CTNNA2: variants seen among roughly 807,000 people sequenced by gnomAD.
The protein encoded by CTNNA2 is catenin alpha 2, also known as catenin alpha-2.
In CTNNA2, 42 loss-of-function variants were observed where a neutral mutation model predicts 101.0. The ratio of observed to expected loss-of-function variants is 0.42; its 90% confidence interval spans 0.32 to 0.54. The LOEUF (loss-of-function observed/expected upper bound fraction) is 0.54. Among genes scored for constraint, CTNNA2 ranks in the 20% least tolerant of loss-of-function variants. CTNNA2 has a pLI of 0.14. For synonymous variants in CTNNA2, 450 were observed against 456.4 expected, an observed-to-expected ratio of 0.99 and a Z score of 0.18; for missense variants, 871 against 1,223.1, an observed-to-expected ratio of 0.71 and a Z score of 4.29.
chr2:80,284,573 C>T (rs1674610748), intron 7 of CTNNA2, among the ~76,000 whole-genome samples: 1 of 152,050 alleles, frequency 6.6e-6, no homozygotes, highest in East Asian at 1.9e-4. Context: ...TTTTCCTCTA[C>T]TATGAATCCA....
At chr2:79,344,828 TAA>T (rs1311852853) in intron 3 of CTNNA2, among the ~76,000 whole-genome samples, 1 of 145,716 alleles carries the variant, frequency 6.9e-6, no homozygotes, top group African/African-American at 2.5e-5. Flanking sequence ...ATATAATATA[TAA>T]TATATATAAT....
chr2:80,595,537 T>A (rs965056681), intron 15 of CTNNA2, among the ~76,000 whole-genome samples: 9 of 152,234 alleles, frequency 5.9e-5, no homozygotes, highest in African/African-American at 2.2e-4. Context: ...GCAGGCATCC[T>A]TGCTTTGATC....
intron 8 of CTNNA2, among the ~76,000 whole-genome samples, chr2:80,402,962 C>A (rs1310450445): frequency 6.6e-6 from 1 of 151,896 alleles, no homozygotes; most frequent in Admixed American, 6.6e-5. Context: ...AAGGGTAAGG[C>A]AAGTGAGGCG....
intron 7 of CTNNA2, among the ~76,000 whole-genome samples, chr2:80,197,839 G>A (rs908552992): frequency 1.3e-5 from 2 of 152,174 alleles, no homozygotes; most frequent in Admixed American, 1.3e-4. Context: ...AGAGATGTTT[G>A]TTTGGTTAGG....
intron 7 of CTNNA2, among the ~76,000 whole-genome samples, chr2:80,312,589 T>C (rs1227354180): frequency 1.3e-5 from 2 of 152,114 alleles, no homozygotes; most frequent in Admixed American, 1.3e-4. Context: ...AAATGGAGAA[T>C]CAAAGAATAA....
At position 80,090,180 on chromosome 2, in the gene CTNNA2, GT is replaced by G. The variant is rs1232952555; in HGVS notation, c.1056+180384del. Among the ~76,000 whole-genome samples, 5 of 127,438 alleles carry G rather than the reference GT, an allele frequency of 3.9e-5. No individual in the cohort carries two copies. In the South Asian group the frequency reaches 9.5e-4, roughly 24 times the overall value. 83.6% of individuals were successfully genotyped at this position (127,438 alleles called of 152,430 possible). Reference sequence around the variant, plus strand: ...TGTGTGTGTGTGTGTGTGTGTGTGTGTGTGTGTGTTTGTGTGTATGCATGTG... The same window carrying G: ...TGTGTGTGTGTGTGTGTGTGTGTGTGGTGTGTGTTTGTGTGTATGCATGTG... On this transcript the variant is annotated intron_variant, in intron 7 of 18. Coordinates refer to ENST00000402739, the MANE Select transcript of CTNNA2 (RefSeq NM_001282597.3).
intron 2 of CTNNA2, among the ~76,000 whole-genome samples, chr2:79,290,365 G>A (rs1205863153): frequency 6.6e-6 from 1 of 152,130 alleles, no homozygotes; most frequent in Non-Finnish European, 1.5e-5. Flanking sequence ...GAGCGGGGCA[G>A]GGAAGTGCTG....
chr2:79,883,167 A>T (rs1683581387), intron 6 of CTNNA2, among the ~76,000 whole-genome samples: 1 of 152,226 alleles, frequency 6.6e-6, no homozygotes, highest in Admixed American at 6.5e-5. Flanking sequence ...TTTGAAACAC[A>T]CTTCATATTA....
chr2:79,333,902 C>G lies in CTNNA2; in HGVS notation c.-318+21106C>G, dbSNP rs140982067. ...CAATTTTTAAAGCATTTTTTATATA[C>G]CTGTTGGTCATTCGTATGGTGTGGT... On this transcript the variant is annotated intron_variant, in intron 3 of 21. Coordinates refer to the CTNNA2 transcript ENST00000466387. Among the ~76,000 whole-genome samples, 454 of 151,962 alleles carry G rather than the reference C, an allele frequency of 3.0e-3. 1 individual carries two copies. Among genetic ancestry groups the G allele is most frequent in the African/African-American group, 0.01 (425 of 41,466 alleles).
intron 2 of CTNNA2, among the ~76,000 whole-genome samples, chr2:79,215,235 G>C (rs1203899350): frequency 6.6e-6 from 1 of 152,158 alleles, no homozygotes; most frequent in African/African-American, 2.4e-5. Flanking sequence ...ATCTTGGGCT[G>C]TGGGCATTCC....
intron 2 of CTNNA2, among the ~76,000 whole-genome samples, chr2:79,245,937 C>T (rs573478043): frequency 6.6e-6 from 1 of 152,320 alleles, no homozygotes; most frequent in African/African-American, 2.4e-5. Context: ...CATTTTATAG[C>T]TCAGAGAGGC....
At chr2:79,286,005 G>T (rs1261915448) in intron 2 of CTNNA2, among the ~76,000 whole-genome samples, 1 of 150,224 alleles carries the variant, frequency 6.7e-6, no homozygotes, top group Non-Finnish European at 1.5e-5. Flanking sequence ...TTACCATTAT[G>T]TAATGGCCTT....
intron 2 of CTNNA2, among the ~76,000 whole-genome samples, chr2:79,705,111 T>C (rs7575601): frequency 0.67 from 102,469 of 151,866 alleles, 35,070 homozygotes; most frequent in East Asian, 0.93. Flanking sequence ...AAACATCCTA[T>C]CATGCGCTGG....
At chr2:80,419,357 G>A in intron 8 of CTNNA2, 92 bp from the exon 9 acceptor site, 1 of 969,190 alleles carries the variant, frequency 1.0e-6, no homozygotes, top group South Asian at 1.6e-5. Flanking sequence ...ATCTCCATGG[G>A]TAATGAGAGC....
chr2:80,098,974 C>G (rs1700361112), intron 7 of CTNNA2, among the ~76,000 whole-genome samples: 1 of 152,008 alleles, frequency 6.6e-6, no homozygotes, highest in Non-Finnish European at 1.5e-5. Flanking sequence ...AATTCCTCAC[C>G]CTGCTTCAGC....
intron 8 of CTNNA2, among the ~76,000 whole-genome samples, chr2:80,396,369 A>G (rs915395159): frequency 6.6e-6 from 1 of 152,204 alleles, no homozygotes; most frequent in African/African-American, 2.4e-5. Flanking sequence ...AGGGGATGAT[A>G]ACTGCCAGCT....
intron 7 of CTNNA2, among the ~76,000 whole-genome samples, chr2:80,000,076 G>C (rs1045257567): frequency 6.6e-6 from 1 of 152,146 alleles, no homozygotes; most frequent in Non-Finnish European, 1.5e-5. Flanking sequence ...ATTTACAGAT[G>C]AAGAATCCTT....
chr2:80,505,823 G>A (rs1688234052), intron 9 of CTNNA2, among the ~76,000 whole-genome samples: 2 of 152,094 alleles, frequency 1.3e-5, no homozygotes, highest in Admixed American at 1.3e-4. Context: ...GCTTTCTTTA[G>A]CTATTCTTGC....
chr2:80,021,711 TATC>T (rs10616404), intron 7 of CTNNA2, among the ~76,000 whole-genome samples: 3,186 of 150,560 alleles, frequency 0.021, 122 homozygotes, highest in African/African-American at 0.075. Context: ...CTCACACACT[TATC>T]ATTTTTTTTT....
Sources: gnomAD v4.1 joint callset for allele counts (sites outside exome capture counted in the v4.1 genomes callset) on GRCh38, gnomAD v4.1.1 for gene constraint, MANE v1.5 for transcripts, NCBI Gene and HGNC (gene_info 2026-07-23, HGNC 2026-07-21) for gene names.